LPAR5: variants seen among roughly 807,000 people sequenced by gnomAD.
LPAR5 encodes the protein G protein-coupled receptor 92.
For missense variants in LPAR5, 544 were observed against 521.8 expected (o/e 1.04, Z -0.41); for synonymous variants, 271 against 261.6 (o/e 1.04, Z -0.35).
intron 1 of LPAR5, among the ~76,000 whole-genome samples, chr12:6,635,511 T>C (rs1949003795): frequency 6.6e-6 from 1 of 152,038 alleles, no homozygotes; most frequent in South Asian, 2.1e-4. Context: ...CCCTGGGGGA[T>C]GTGTGGTGTA....
chr12:6,626,468 T>C (rs1203997168), intron 1 of LPAR5, among the ~76,000 whole-genome samples: 1 of 152,132 alleles, frequency 6.6e-6, no homozygotes, highest in Non-Finnish European at 1.5e-5. Flanking sequence ...CATCAGCAGT[T>C]TGAGACTTGT....
Position 6,620,070 on chromosome 12 carries a change from A to G in LPAR5, c.*60T>C. Reference sequence around the variant, plus strand: ...CCACCTTCTTGTGTGTACACCCTGTAAGCCTCCCAGAACGAGAGGCGTTGG... The same window carrying G: ...CCACCTTCTTGTGTGTACACCCTGTGAGCCTCCCAGAACGAGAGGCGTTGG... On this transcript the variant is annotated 3_prime_UTR_variant, in exon 2 of 2. Transcript: ENST00000329858. This position sits in a 1 kb window ranked among gnomAD's most constrained non-coding sequence, Gnocchi z 6.8. 6.2e-7 allele frequency: 1 copy of G among 1,602,090 alleles called. No homozygotes were observed. The highest frequency in any genetic ancestry group is 1.3e-5 in the African/African-American group (1 of 74,752).
At chr12:6,628,891 A>C (rs1405547795) in intron 1 of LPAR5, among the ~76,000 whole-genome samples, 1 of 150,734 alleles carries the variant, frequency 6.6e-6, no homozygotes, top group Non-Finnish European at 1.5e-5. Context: ...CTCAGCCTCC[A>C]AAAAATGCTG....
intron 1 of LPAR5, among the ~76,000 whole-genome samples, chr12:6,622,909 C>T (rs1309798478): frequency 6.6e-6 from 1 of 151,996 alleles, no homozygotes; most frequent in Non-Finnish European, 1.5e-5. Flanking sequence ...TGCACTCCTG[C>T]CTGGGTGACA....
Position 6,620,794 on chromosome 12 carries a change from A to C in LPAR5, c.455T>G (p.Phe152Cys). The C allele has an allele frequency of 6.3e-7, 1 of 1,579,928 alleles. No individual in the cohort carries two copies. Among genetic ancestry groups the C allele is most frequent in the African/African-American group, 1.3e-5 (1 of 74,380 alleles). ...GTGCACGCGGGCGGCGGGCACGGCA[A>C]ACACCAGGATGAGCGCCCACACGCC... is the stretch of plus-strand genomic sequence containing the variant. ...CLGVWALILVFAVPAARVHRP... is the reference protein window; with the variant it reads ...CLGVWALILVCAVPAARVHRP... Residue 152 changes from phenylalanine to cysteine, a missense_variant, in exon 2 of 2, where the codon TTT becomes TGT. Transcript: ENST00000329858. This position sits in a 1 kb window ranked among gnomAD's most constrained non-coding sequence, Gnocchi z 6.8.
At position 6,620,688 on chromosome 12, in the gene LPAR5, C is replaced by T. The variant is rs1412650443; in HGVS notation, c.561G>A (p.Arg187=). The change falls in exon 2 of 2, where the codon AGG becomes AGA. Residue 187 remains arginine (R), a synonymous_variant. Transcript: ENST00000329858. This position sits in a 1 kb window ranked among gnomAD's most constrained non-coding sequence, Gnocchi z 6.8. ...CGGCCAGCAGCACGAGGGGCAGCAG[C>T]CTGCCTTTCCACAGCTCGTCGCTGA... The part of the protein sequence containing the change: ...ESFSDELWKG[R]LLPLVLLAEA... 6.4e-7 allele frequency: 1 copy of T among 1,571,016 alleles called. No homozygotes were observed. The highest frequency in any genetic ancestry group is 8.6e-7 in the Non-Finnish European group (1 of 1,157,968).
chr12:6,630,425 C>T (rs1948973613), intron 1 of LPAR5, among the ~76,000 whole-genome samples: 1 of 124,526 alleles, frequency 8.0e-6, no homozygotes. Context: ...CCACTGCACC[C>T]AGCCCATCTT....
Position 6,632,349 on chromosome 12 carries a change from T to G in LPAR5, c.-217+3558A>C, listed in dbSNP as rs80256009. The stretch of plus-strand genomic sequence containing the variant: ...GGTCAGAGGTCTGAAAAGAAGGTTC[T>G]TACATCTCCCCATCCTCCTTGCCCC... On this transcript the variant is annotated intron_variant, in intron 1 of 1. Transcript: ENST00000329858. Among the ~76,000 whole-genome samples, 3 of 152,230 alleles carry G rather than the reference T, an allele frequency of 2.0e-5. No homozygotes were observed. In the South Asian group the frequency reaches 6.2e-4, roughly 32 times the overall value.
Position 6,621,208 on chromosome 12 carries a change from G to T in LPAR5, c.41C>A (p.Pro14Gln), listed in dbSNP as rs748788177. Residue 14 changes from proline (P) to glutamine (Q), a missense_variant, in exon 2 of 2, where the codon CCG becomes CAG. Physicochemically the swap from Pro to Gln is moderately conservative, Grantham distance 76 (BLOSUM62 -1). Coordinates refer to ENST00000329858, the MANE Select transcript of LPAR5 (RefSeq NM_020400.6). ...GTGGGTAGGTCGGTAGTCAGGACAC[G>T]GGAGAACAGAACTGTTGGTTGAGGA... ...NSSSTNSSVL[P>Q]CPDYRPTHRL... The T allele has an allele frequency of 6.5e-7, 1 of 1,536,322 alleles. No individual in the cohort carries two copies.
intron 1 of LPAR5, among the ~76,000 whole-genome samples, chr12:6,634,882 G>A (rs1296153270): frequency 6.6e-6 from 1 of 150,792 alleles, no homozygotes; most frequent in Non-Finnish European, 1.5e-5. Context: ...GAGGTCAGGA[G>A]TTCAAGACCA....
rs1336691984 is a variant in LPAR5, at chr12:6,619,974, C to T, written c.*156G>A. 4 of 1,046,150 alleles carry T rather than the reference C, an allele frequency of 3.8e-6. No homozygotes were observed. Among genetic ancestry groups the T allele is most frequent in the Non-Finnish European group, 5.8e-6 (4 of 688,794 alleles). The allele number at this position is 1,046,150 out of a possible 1,614,324, so 64.8% of individuals were successfully genotyped here. ...CCAGCAGCACTGCCTTCCCTGGGCCCTGGCTTCCACACTTTGTACTCTTCT... is the reference window on the plus strand; with the variant it reads ...CCAGCAGCACTGCCTTCCCTGGGCCTTGGCTTCCACACTTTGTACTCTTCT... On this transcript the variant is annotated 3_prime_UTR_variant, in exon 2 of 2. Transcript: ENST00000329858.
intron 1 of LPAR5, among the ~76,000 whole-genome samples, chr12:6,631,240 A>C (rs1227628658): frequency 6.6e-6 from 1 of 152,224 alleles, no homozygotes; most frequent in Non-Finnish European, 1.5e-5. Context: ...AGAGATGTGC[A>C]CACAAGACCC....
intron 1 of LPAR5, among the ~76,000 whole-genome samples, chr12:6,632,045 C>G (rs1948983552): frequency 6.6e-6 from 1 of 152,154 alleles, no homozygotes; most frequent in African/African-American, 2.4e-5. Flanking sequence ...AATCTCAGCT[C>G]ACTGCAACCT....
In LPAR5 at chr12:6,633,099, G is replaced by A. The variant is rs143498888; in HGVS notation, c.-217+2808C>T. ...GTCTGGGAAAAGGCAGAAAGCAAAG[G>A]TGGTCTACAGCTCAATAACTAGTTT... On this transcript the variant is annotated intron_variant, in intron 1 of 1. Transcript: ENST00000329858. 8.5e-3 allele frequency among the ~76,000 whole-genome samples: 1,301 copies of A among 152,276 alleles called. 19 individuals carry two copies. The highest frequency in any genetic ancestry group is 0.029 in the African/African-American group (1,215 of 41,560).
Position 6,621,079 on chromosome 12 carries a change from A to G in LPAR5, c.170T>C (p.Val57Ala), listed in dbSNP as rs962874778. ...FLRALRVHSVVSVYMCNLAAS... is the reference protein window; with the variant it reads ...FLRALRVHSVASVYMCNLAAS... ...CGCCAGGTTACACATGTACACGCTC[A>G]CCACCGAGTGCACGCGCAGCGCGCG... The change falls in exon 2 of 2, where the codon GTG (valine) becomes GCG (alanine). Residue 57 changes from valine (V) to alanine (A), a missense_variant. Physicochemically the swap from Val to Ala is moderately conservative, Grantham distance 64 (BLOSUM62 0). Coordinates refer to ENST00000329858, the MANE Select transcript of LPAR5 (RefSeq NM_020400.6). The G allele has an allele frequency of 3.5e-5, 56 of 1,602,620 alleles. No homozygotes were observed. Among genetic ancestry groups the G allele is most frequent in the Non-Finnish European group, 4.2e-5 (49 of 1,173,266 alleles).
At chr12:6,623,858 G>C (rs1394426232) in intron 1 of LPAR5, among the ~76,000 whole-genome samples, 1 of 151,892 alleles carries the variant, frequency 6.6e-6, no homozygotes. Context: ...GTACATGGGA[G>C]GCTGCAGCAG....
Position 6,635,947 on chromosome 12 carries a change from C to CGCT in LPAR5, c.-260_-258dup, listed in dbSNP as rs1188727508. On this transcript the variant is annotated 5_prime_UTR_variant, in exon 1 of 2. Coordinates refer to ENST00000329858, the MANE Select transcript of LPAR5 (RefSeq NM_020400.6). The stretch of plus-strand genomic sequence containing the variant: ...CTCTGCGCTGCCCCAAGCTGGCTTC[C>CGCT]GCTGCCTGCTCTGGGCTGGGCTGGG... 2.0e-5 allele frequency: 3 copies of CGCT among 153,010 alleles called. No homozygotes were observed. Among genetic ancestry groups the CGCT allele is most frequent in the Non-Finnish European group, 4.4e-5 (3 of 68,954 alleles). The allele number at this position is 153,010 out of a possible 1,614,324, so 9.5% of individuals were successfully genotyped here. A position where few individuals can be genotyped will look rare whatever the true frequency, so the allele number is the denominator to read the frequency against.
At chr12:6,624,811 G>A (rs1240162200) in intron 1 of LPAR5, among the ~76,000 whole-genome samples, 1 of 151,958 alleles carries the variant, frequency 6.6e-6, no homozygotes, top group Non-Finnish European at 1.5e-5. Flanking sequence ...GTAGAGACGA[G>A]GTTTCTCCCT....
At chr12:6,628,282 A>G (rs1948957066) in intron 1 of LPAR5, among the ~76,000 whole-genome samples, 1 of 152,102 alleles carries the variant, frequency 6.6e-6, no homozygotes, top group Non-Finnish European at 1.5e-5. Context: ...TGGCCTCTCA[A>G]AGAGCTGGGA....
Sources: gnomAD v4.1 joint callset for allele counts (sites outside exome capture counted in the v4.1 genomes callset) on GRCh38, gnomAD v4.1.1 for gene constraint, Gnocchi (gnomAD v3.1) non-coding constraint, MANE v1.5 for transcripts, NCBI Gene and HGNC (gene_info 2026-07-23, HGNC 2026-07-21) for gene names.